The following PTPRM variants were observed in gnomAD, a reference collection of about 807,000 sequenced individuals.
The protein encoded by PTPRM is receptor-type tyrosine-protein phosphatase mu.
PTPRM carries 47 observed loss-of-function variants against 186.7 expected under a neutral mutation model. The observed-to-expected ratio is 0.25, with a 90% CI of 0.20 to 0.32. PTPRM has a LOEUF of 0.32. Ranked by LOEUF, PTPRM falls within the 10% of genes least tolerant of loss-of-function variation. The pLI is 1.00. For missense variants in PTPRM, 1,494 were observed against 1,865.0 expected (o/e 0.80, Z 3.66); for synonymous variants, 668 against 674.9 (o/e 0.99, Z 0.16).
intron 23 of PTPRM, among the ~76,000 whole-genome samples, chr18:8,359,310 G>A (rs2095582565): frequency 6.6e-6 from 1 of 152,260 alleles, no homozygotes; most frequent in Admixed American, 6.5e-5. Flanking sequence ...GGCTCCTCCA[G>A]GTAACTGCGA....
intron 14 of PTPRM, among the ~76,000 whole-genome samples, chr18:8,229,916 G>C (rs2094264239): frequency 6.6e-6 from 1 of 152,142 alleles, no homozygotes; most frequent in South Asian, 2.1e-4. Flanking sequence ...CTTTTGCTCT[G>C]GTGCAAGTTC....
Position 8,387,206 on chromosome 18 carries a change from C to A in PTPRM, c.4179C>A (p.Gly1393=). 6.2e-7 allele frequency: 1 copy of A among 1,614,012 alleles called. No individual in the cohort carries two copies. The highest frequency in any genetic ancestry group is 8.5e-7 in the Non-Finnish European group (1 of 1,179,916). ...ACAAGTGGCAAGAGGAGTACAATGGCGGGGAAGGCCGCACGGTTGTGCACT... is the reference window on the plus strand; with the variant it reads ...ACAAGTGGCAAGAGGAGTACAATGGAGGGGAAGGCCGCACGGTTGTGCACT... ...QVDKWQEEYN[G]GEGRTVVHCL... is the part of the protein sequence containing the mutation. Residue 1393 remains glycine, a synonymous_variant, in exon 31 of 33, where the codon GGC becomes GGA. Coordinates refer to ENST00000580170, the MANE Select transcript of PTPRM (RefSeq NM_001105244.2).
chr18:8,290,591 T>C (rs1239989635), intron 19 of PTPRM, among the ~76,000 whole-genome samples: 3 of 152,186 alleles, frequency 2.0e-5, no homozygotes, highest in African/African-American at 7.2e-5. Flanking sequence ...AATGACAGTA[T>C]GCAGGATGTT....
intron 1 of PTPRM, among the ~76,000 whole-genome samples, chr18:7,679,378 A>G (rs2039425854): frequency 6.6e-6 from 1 of 152,162 alleles, no homozygotes; most frequent in Non-Finnish European, 1.5e-5. Flanking sequence ...AATTGGGCAT[A>G]CTGGGCTGGG....
intron 1 of PTPRM, among the ~76,000 whole-genome samples, chr18:7,689,649 G>A (rs1291159664): frequency 1.3e-5 from 2 of 152,178 alleles, no homozygotes; most frequent in Non-Finnish European, 2.9e-5. Context: ...GAATGAGCAG[G>A]ATGAATGGGA....
intron 7 of PTPRM, among the ~76,000 whole-genome samples, chr18:7,966,749 G>C: frequency 7.1e-6 from 1 of 141,522 alleles, no homozygotes; most frequent in Middle Eastern, 3.5e-3. Context: ...TTTTCAGACC[G>C]GCTTAAAAAA....
At chr18:8,160,762 G>T (rs540363368) in intron 14 of PTPRM, among the ~76,000 whole-genome samples, 276 of 152,226 alleles carry the variant, frequency 1.8e-3, no homozygotes, top group Non-Finnish European at 3.1e-3. Flanking sequence ...AGCTCTTCTC[G>T]CTGTTAGCTG....
At chr18:7,596,707 T>C (rs1201539526) in intron 1 of PTPRM, among the ~76,000 whole-genome samples, 1 of 152,176 alleles carries the variant, frequency 6.6e-6, no homozygotes, top group Non-Finnish European at 1.5e-5. Context: ...AAGGGGGGAC[T>C]GCTGTATGTT....
chr18:7,718,485 T>G (rs1174002301), intron 1 of PTPRM, among the ~76,000 whole-genome samples: 2 of 152,122 alleles, frequency 1.3e-5, no homozygotes, highest in Non-Finnish European at 2.9e-5. Flanking sequence ...GAAAAACTCT[T>G]CTAGACGTTG....
intron 11 of PTPRM, among the ~76,000 whole-genome samples, chr18:8,091,375 G>T (rs115799568): frequency 1.8e-3 from 267 of 152,118 alleles, no homozygotes; most frequent in African/African-American, 6.1e-3. Context: ...TCCCCTGTTA[G>T]CATCTTGAAA....
intron 19 of PTPRM, among the ~76,000 whole-genome samples, chr18:8,273,368 A>C (rs1039617363): frequency 6.6e-6 from 1 of 152,124 alleles, no homozygotes; most frequent in Non-Finnish European, 1.5e-5. Context: ...CTTGATCTTT[A>C]TGTGAGCCCC....
chr18:8,382,692 C>T (rs1220987222), intron 29 of PTPRM, among the ~76,000 whole-genome samples: 1 of 152,188 alleles, frequency 6.6e-6, no homozygotes, highest in African/African-American at 2.4e-5. Context: ...AAAATCCCAA[C>T]CTTAACTGTT....
At chr18:8,234,348 A>G (rs746073701) in intron 14 of PTPRM, among the ~76,000 whole-genome samples, 3 of 152,222 alleles carry the variant, frequency 2.0e-5, no homozygotes, top group Non-Finnish European at 2.9e-5. Context: ...ATGCTAATGT[A>G]AATGGTATTA....
At chr18:8,354,990 A>G (rs1182798748) in intron 23 of PTPRM, among the ~76,000 whole-genome samples, 1 of 152,154 alleles carries the variant, frequency 6.6e-6, no homozygotes, top group East Asian at 1.9e-4. Context: ...AAGAAGATGT[A>G]ATTGCCTTCT....
intron 14 of PTPRM, among the ~76,000 whole-genome samples, chr18:8,227,454 G>T (rs1321714723): frequency 9.2e-5 from 14 of 152,168 alleles, no homozygotes; most frequent in African/African-American, 2.9e-4. Context: ...TTCATCCTTT[G>T]TGTTTATGAG....
chr18:8,245,579 A>T lies in PTPRM; in HGVS notation c.2452+1370A>T, dbSNP rs73394088. Among the ~76,000 whole-genome samples the T allele has an allele frequency of 6.9e-3, 1,049 of 152,308 alleles. 11 individuals carry two copies. Among genetic ancestry groups the T allele is most frequent in the African/African-American group, 0.024 (1,006 of 41,554 alleles). On this transcript the variant is annotated intron_variant, in intron 15 of 32. Coordinates refer to ENST00000580170, the MANE Select transcript of PTPRM (RefSeq NM_001105244.2). ...AAAAATATGTATGTATAATTTATTT[A>T]ACTGCCATAAGAAAGCAACCTATGA... is the stretch of plus-strand genomic sequence containing the variant.
chr18:7,916,411 A>T (rs2050559324), intron 4 of PTPRM, among the ~76,000 whole-genome samples: 1 of 152,178 alleles, frequency 6.6e-6, no homozygotes. Flanking sequence ...CTCAAGAAAG[A>T]TTATAGAAGT....
chr18:8,262,220 T>C (rs866818356), intron 19 of PTPRM, among the ~76,000 whole-genome samples: 8 of 152,194 alleles, frequency 5.3e-5, no homozygotes, highest in Middle Eastern at 3.2e-3. Flanking sequence ...CACTTGTCTG[T>C]GCCATCGGAA....
intron 7 of PTPRM, among the ~76,000 whole-genome samples, chr18:8,038,890 G>T (rs997671626): frequency 6.6e-6 from 1 of 152,178 alleles, no homozygotes; most frequent in Non-Finnish European, 1.5e-5. Flanking sequence ...ATAGTTGTTA[G>T]AGTTAGTTCT....
Sources: allele counts gnomAD v4.1 joint callset (sites outside exome capture counted in the v4.1 genomes callset), GRCh38; gene constraint gnomAD v4.1.1; transcripts MANE v1.5; gene names NCBI Gene and HGNC (gene_info 2026-07-23, HGNC 2026-07-21).